The following SCARB1 variants were observed in gnomAD, a reference collection of about 807,000 sequenced individuals.
SCARB1 encodes scavenger receptor class B member 1, also known as CD36 and LIMPII analogous 1.
Under a neutral mutation model 57.2 loss-of-function variants are expected in SCARB1, and 30 were observed. The observed-to-expected ratio is 0.52, with a 90% CI of 0.39 to 0.71. The LOEUF (loss-of-function observed/expected upper bound fraction) is 0.71. Among genes scored for constraint, SCARB1 ranks in the 30% least tolerant of loss-of-function variants. The pLI is 0.00. For missense variants in SCARB1, 543 were observed against 671.2 expected, an observed-to-expected ratio of 0.81 and a Z score of 2.11; for synonymous variants, 249 against 268.3, an observed-to-expected ratio of 0.93 and a Z score of 0.70.
chr12:124,839,465 C>G (rs867755331), intron 1 of SCARB1, among the ~76,000 whole-genome samples: 31 of 152,308 alleles, frequency 2.0e-4, no homozygotes, highest in Middle Eastern at 6.8e-3. Context: ...AGCGGACACT[C>G]GGGTTGCTCC....
chr12:124,825,083 G>T (rs534340395), intron 1 of SCARB1, among the ~76,000 whole-genome samples: 1 of 152,068 alleles, frequency 6.6e-6, no homozygotes, highest in East Asian at 1.9e-4. Flanking sequence ...AAATTAGCCA[G>T]GCGTGGTGGC....
intron 9 of SCARB1, among the ~76,000 whole-genome samples, chr12:124,792,646 CG>C (rs1949772987): frequency 7.0e-6 from 1 of 143,658 alleles, no homozygotes; most frequent in African/African-American, 2.6e-5. Context: ...CGCTGGAACC[CG>C]GGAGGCAGAG....
intron 9 of SCARB1, among the ~76,000 whole-genome samples, chr12:124,794,855 G>A (rs545467912): frequency 1.3e-5 from 2 of 152,248 alleles, no homozygotes; most frequent in African/African-American, 4.8e-5. Context: ...GCTTGAACCT[G>A]GGAGGCGGAG....
Position 124,778,112 on chromosome 12 carries a change from C to T in SCARB1, c.*475G>A. Reference sequence around the variant, plus strand: ...GGCCAGGGCCTGGGCACTGAGTCCCCACTGAATTTGGCACAGGAAGGCGGC... The same window carrying T: ...GGCCAGGGCCTGGGCACTGAGTCCCTACTGAATTTGGCACAGGAAGGCGGC... On this transcript the variant is annotated 3_prime_UTR_variant, in exon 13 of 13. Coordinates refer to ENST00000261693, the MANE Select transcript of SCARB1 (RefSeq NM_005505.5). The T allele has an allele frequency of 4.6e-6, 1 of 217,282 alleles. No individual in the cohort carries two copies. The highest frequency in any genetic ancestry group is 9.0e-6 in the Non-Finnish European group (1 of 111,292). 13.5% of individuals were successfully genotyped at this position (217,282 alleles called of 1,614,324 possible).
At chr12:124,813,474 C>A (rs936742580) in intron 4 of SCARB1, among the ~76,000 whole-genome samples, 1 of 152,168 alleles carries the variant, frequency 6.6e-6, no homozygotes, top group African/African-American at 2.4e-5. Flanking sequence ...CAGCCTACCG[C>A]TAGACTTTTC....
chr12:124,851,996 C>A (rs1024252134), intron 1 of SCARB1, among the ~76,000 whole-genome samples: 1 of 152,074 alleles, frequency 6.6e-6, no homozygotes, highest in Non-Finnish European at 1.5e-5. Context: ...GGGAGAGAAA[C>A]ACTCCCAGCC....
At chr12:124,847,291 CCA>C (rs1225099870) in intron 1 of SCARB1, among the ~76,000 whole-genome samples, 1 of 152,160 alleles carries the variant, frequency 6.6e-6, no homozygotes, top group Non-Finnish European at 1.5e-5. Context: ...TTGGCTGTTC[CCA>C]GAGCTGCCAA....
At chr12:124,811,476 T>C (rs1368652323) in intron 5 of SCARB1, among the ~76,000 whole-genome samples, 1 of 152,230 alleles carries the variant, frequency 6.6e-6, no homozygotes, top group Non-Finnish European at 1.5e-5. Context: ...TTTTGCCATG[T>C]TGGCCTGGCT....
intron 7 of SCARB1, among the ~76,000 whole-genome samples, chr12:124,803,475 G>T (rs1950206125): frequency 6.6e-6 from 1 of 152,020 alleles, no homozygotes; most frequent in Non-Finnish European, 1.5e-5. Context: ...GGAGGCTGGG[G>T]TAAGAGGATC....
intron 1 of SCARB1, among the ~76,000 whole-genome samples, chr12:124,841,569 T>A (rs546850331): frequency 6.6e-6 from 1 of 150,708 alleles, no homozygotes; most frequent in East Asian, 1.9e-4. Flanking sequence ...TCTGAACTCC[T>A]CCAGGTGTCC....
chr12:124,780,947 G>A (rs192052107), intron 12 of SCARB1, among the ~76,000 whole-genome samples: 6 of 152,332 alleles, frequency 3.9e-5, no homozygotes, highest in Admixed American at 2.6e-4. Context: ...CAGGCACACC[G>A]ATGGGGCCAA....
At chr12:124,816,466 CGAATGAGT>C (rs1024057978) in intron 2 of SCARB1, among the ~76,000 whole-genome samples, 4 of 152,170 alleles carry the variant, frequency 2.6e-5, no homozygotes, top group African/African-American at 9.7e-5. Context: ...AATGAACGAG[CGAATGAGT>C]GAATGAGTGA....
chr12:124,812,095 G>A lies in SCARB1; in HGVS notation c.631-130C>T. 1 of 733,136 alleles carries A rather than the reference G, an allele frequency of 1.4e-6. No homozygotes were observed. The highest frequency in any genetic ancestry group is 2.4e-6 in the Non-Finnish European group (1 of 408,986). The allele number at this position is 733,136 out of a possible 1,614,324, so 45.4% of individuals were successfully genotyped here. A position where few individuals can be genotyped will look rare whatever the true frequency, so the allele number is the denominator to read the frequency against. On this transcript the variant is annotated intron_variant, in intron 4 of 12. Coordinates refer to ENST00000261693, the MANE Select transcript of SCARB1 (RefSeq NM_005505.5). This position sits in a 1 kb window ranked among gnomAD's most constrained non-coding sequence, Gnocchi z 4.3. ...CAGGGCCCCCAGCATCTGGTTCACT[G>A]CCAAATGCCCAGTGTCTGGGGACCG...
chr12:124,812,004 C>T lies in SCARB1; in HGVS notation c.631-39G>A. The T allele has an allele frequency of 6.6e-7, 1 of 1,516,236 alleles. No individual in the cohort carries two copies. Among genetic ancestry groups the T allele is most frequent in the Non-Finnish European group, 9.1e-7 (1 of 1,101,238 alleles). The allele number at this position is 1,516,236 out of a possible 1,614,324, so 93.9% of individuals were successfully genotyped here. A position where few individuals can be genotyped will look rare whatever the true frequency, so the allele number is the denominator to read the frequency against. On this transcript the variant is annotated intron_variant, in intron 4 of 12. Transcript: ENST00000261693. The surrounding 1 kb of genome is among the most constrained non-coding windows in gnomAD (Gnocchi z 4.3). ...AGGGAACAGCATCGTAAGGCTTAGG[C>T]CTGCCATTGAGCCGGCCTGGTCTGA...
At chr12:124,858,665 G>C (rs984408210) in intron 1 of SCARB1, among the ~76,000 whole-genome samples, 1 of 151,988 alleles carries the variant, frequency 6.6e-6, no homozygotes, top group Admixed American at 6.6e-5. Context: ...GGATCACGAG[G>C]TCAGGAGATT....
intron 2 of SCARB1, among the ~76,000 whole-genome samples, chr12:124,816,966 C>T (rs888083216): frequency 2.6e-5 from 4 of 151,588 alleles, no homozygotes; most frequent in African/African-American, 4.8e-5. Context: ...CTGACCCACC[C>T]GGTCCTCTGG....
chr12:124,779,248 C>A (rs181177816), intron 12 of SCARB1, among the ~76,000 whole-genome samples: 9 of 152,354 alleles, frequency 5.9e-5, no homozygotes, highest in Admixed American at 3.9e-4. Flanking sequence ...CATGCCTGGC[C>A]TGTGTTTTTA....
rs1344821380 is a variant in SCARB1, at chr12:124,778,153, C to T, written c.*434G>A. On this transcript the variant is annotated 3_prime_UTR_variant, in exon 13 of 13. Transcript: ENST00000261693. ...GGAAGGCGGCACTCCCAGCCTGGCC[C>T]GTCCTGCATGGGGAGCCACCACACC... is the stretch of plus-strand genomic sequence containing the variant. 3.5e-6 allele frequency: 1 copy of T among 286,138 alleles called. No homozygotes were observed. The allele number at this position is 286,138 out of a possible 1,614,324, so 17.7% of individuals were successfully genotyped here. A position where few individuals can be genotyped will look rare whatever the true frequency, so the allele number is the denominator to read the frequency against.
intron 7 of SCARB1, among the ~76,000 whole-genome samples, chr12:124,801,564 C>T (rs1289949567): frequency 6.6e-6 from 1 of 151,288 alleles, no homozygotes; most frequent in African/African-American, 2.4e-5. Context: ...GGGTGGATCA[C>T]TTGAGGTCAG....
Sources: gnomAD v4.1 joint callset for allele counts (sites outside exome capture counted in the v4.1 genomes callset) on GRCh38, gnomAD v4.1.1 for gene constraint, Gnocchi (gnomAD v3.1) non-coding constraint, MANE v1.5 for transcripts, NCBI Gene and HGNC (gene_info 2026-07-23, HGNC 2026-07-21) for gene names.